DERA: variants seen among roughly 807,000 people sequenced by gnomAD.
DERA encodes 2-deoxy-D-ribose 5-phosphate aldolase.
A neutral mutation model predicts 41.1 loss-of-function variants in DERA; 15 were observed. That is an observed-to-expected ratio of 0.37 (90% CI 0.24 to 0.56). The LOEUF (loss-of-function observed/expected upper bound fraction) is 0.56. DERA is among the 20% of genes least tolerant of loss of function. DERA has a pLI of 0.81. For missense variants in DERA, 396 were observed against 403.4 expected (o/e 0.98, Z 0.16); for synonymous variants, 139 against 137.4 (o/e 1.01, Z -0.08).
intron 1 of DERA, among the ~76,000 whole-genome samples, chr12:15,917,751 G>A (rs1187688135): frequency 6.6e-6 from 1 of 152,178 alleles, no homozygotes; most frequent in Non-Finnish European, 1.5e-5. Context: ...ACAGACTGGG[G>A]TAGGGGTGGG....
chr12:15,985,896 T>G lies in DERA; in HGVS notation c.637+3460T>G, dbSNP rs747917059. Among the ~76,000 whole-genome samples the G allele has an allele frequency of 2.1e-4, 32 of 152,182 alleles. No homozygotes were observed. The highest frequency in any genetic ancestry group is 4.0e-4 in the Non-Finnish European group (27 of 68,014). On this transcript the variant is annotated intron_variant, in intron 6 of 8. Transcript: ENST00000428559. The surrounding 1 kb of genome is among the most constrained non-coding windows in gnomAD (Gnocchi z 4.2). ...ATTGGTTGATAATGTTTTTCAGATCTAGTTTTGTTTTCTTTTTGGTCTACT... is the reference window on the plus strand; with the variant it reads ...ATTGGTTGATAATGTTTTTCAGATCGAGTTTTGTTTTCTTTTTGGTCTACT...
At chr12:15,942,003 A>G (rs1948412269) in intron 1 of DERA, among the ~76,000 whole-genome samples, 2 of 152,144 alleles carry the variant, frequency 1.3e-5, no homozygotes, top group South Asian at 4.1e-4. Flanking sequence ...TTCCCTTTTC[A>G]CCACATTTAT....
At position 15,993,264 on chromosome 12, in the gene DERA, TGTG is replaced by T. The variant is rs890635035; in HGVS notation, c.637+10832_637+10834del. Among the ~76,000 whole-genome samples the T allele has an allele frequency of 2.0e-5, 3 of 151,648 alleles. No individual in the cohort carries two copies. The highest frequency in any genetic ancestry group is 4.4e-5 in the Non-Finnish European group (3 of 67,978). Reference sequence around the variant, plus strand: ...GAATGAAACCAAAACACTAAAAAAATGTGGTGATTAATAGGAAATTAGTATCTA... The same window carrying T: ...GAATGAAACCAAAACACTAAAAAAATGTGATTAATAGGAAATTAGTATCTA... On this transcript the variant is annotated intron_variant, in intron 6 of 8. Coordinates refer to ENST00000428559, the MANE Select transcript of DERA (RefSeq NM_015954.4). The surrounding 1 kb of genome is among the most constrained non-coding windows in gnomAD (Gnocchi z 4.4).
intron 1 of DERA, among the ~76,000 whole-genome samples, chr12:15,933,931 C>T (rs375511014): frequency 3.5e-4 from 53 of 152,220 alleles, no homozygotes; most frequent in African/African-American, 1.3e-3. Flanking sequence ...TGATGACTGT[C>T]AGGCCACGTA....
chr12:15,977,856 G>A (rs1484069567), intron 5 of DERA, among the ~76,000 whole-genome samples: 1 of 152,218 alleles, frequency 6.6e-6, no homozygotes, highest in African/African-American at 2.4e-5. Context: ...ATTTTTGAGG[G>A]AAGAGGCTTT....
Position 15,984,232 on chromosome 12 carries a change from T to G in DERA, c.637+1796T>G, listed in dbSNP as rs1274034235. On this transcript the variant is annotated intron_variant, in intron 6 of 8. Coordinates refer to ENST00000428559, the MANE Select transcript of DERA (RefSeq NM_015954.4). This position sits in a 1 kb window ranked among gnomAD's most constrained non-coding sequence, Gnocchi z 4.5. The stretch of plus-strand genomic sequence containing the variant: ...GCTGTTATCCTGGTCACAATGAAAG[T>G]GTATTCATTCTGGGAGGTCAGCCAA... 6.6e-6 allele frequency among the ~76,000 whole-genome samples: 1 copy of G among 152,120 alleles called. No individual in the cohort carries two copies. Among genetic ancestry groups the G allele is most frequent in the Non-Finnish European group, 1.5e-5 (1 of 68,026 alleles).
At position 16,008,521 on chromosome 12, in the gene DERA, C is replaced by T. The variant is rs971070527; in HGVS notation, c.638-24021C>T. ...GGTTGCAGAGTCTGAGTGATCCCCC[C>T]AGTAAACTAATGTAGGATATATTTG... is the stretch of plus-strand genomic sequence containing the variant. On this transcript the variant is annotated intron_variant, in intron 6 of 8. Coordinates refer to ENST00000428559, the MANE Select transcript of DERA (RefSeq NM_015954.4). This position sits in a 1 kb window ranked among gnomAD's most constrained non-coding sequence, Gnocchi z 4.8. Among the ~76,000 whole-genome samples the T allele has an allele frequency of 3.3e-5, 5 of 152,176 alleles. No individual in the cohort carries two copies. The highest frequency in any genetic ancestry group is 7.3e-5 in the Non-Finnish European group (5 of 68,038).
intron 1 of DERA, among the ~76,000 whole-genome samples, chr12:15,917,945 AATGT>A (rs1320869471): frequency 1.3e-5 from 2 of 152,126 alleles, no homozygotes; most frequent in African/African-American, 4.8e-5. Flanking sequence ...AGAGCTGAAA[AATGT>A]ATGTACTGTA....
At chr12:15,961,578 A>C (rs1302994155) in intron 4 of DERA, among the ~76,000 whole-genome samples, 1 of 152,178 alleles carries the variant, frequency 6.6e-6, no homozygotes, top group Non-Finnish European at 1.5e-5. Flanking sequence ...ATTAAAAGAA[A>C]CATGGTGCAC....
At chr12:15,951,613 C>T (rs1948498218) in intron 1 of DERA, among the ~76,000 whole-genome samples, 3 of 152,098 alleles carry the variant, frequency 2.0e-5, no homozygotes, top group South Asian at 2.1e-4. Flanking sequence ...ATATTTCCTG[C>T]TCAATAAGAT....
Position 16,004,365 on chromosome 12 carries a change from C to CCAA in DERA, c.637+21930_637+21931insAAC, listed in dbSNP as rs199548602. On this transcript the variant is annotated intron_variant, in intron 6 of 8. Coordinates refer to ENST00000428559, the MANE Select transcript of DERA (RefSeq NM_015954.4). This position sits in a 1 kb window ranked among gnomAD's most constrained non-coding sequence, Gnocchi z 4.2. Reference sequence around the variant, plus strand: ...ACCACTGCAGAAAAGAAAAGAAAAACCCAACTCCTCCTTAACAATTTGTTC... The same window carrying CCAA: ...ACCACTGCAGAAAAGAAAAGAAAAACCAACCAACTCCTCCTTAACAATTTGTTC... Among the ~76,000 whole-genome samples the CCAA allele has an allele frequency of 0.08, 12,225 of 152,002 alleles. 1,466 individuals are homozygous for CCAA. The highest frequency in any genetic ancestry group is 0.26 in the African/African-American group (10,581 of 41,386).
At chr12:16,002,751 C>T (rs924936391) in intron 6 of DERA, among the ~76,000 whole-genome samples, 2 of 152,154 alleles carry the variant, frequency 1.3e-5, no homozygotes, top group African/African-American at 4.8e-5. Context: ...TCCACTTTGT[C>T]TTAGACAGGG....
rs1948731553 is a variant in DERA at position 15,981,352 on chromosome 12, A to G, written c.509-956A>G. Among the ~76,000 whole-genome samples, 1 of 152,078 alleles carries G rather than the reference A, an allele frequency of 6.6e-6. No individual in the cohort carries two copies. Among genetic ancestry groups the G allele is most frequent in the Non-Finnish European group, 1.5e-5 (1 of 68,028 alleles). ...GACAGAGCAAGACTCCATCTCAAAA[A>G]CCAAAAAACAAAAAACAAAAAAACC... On this transcript the variant is annotated intron_variant, in intron 5 of 8. Coordinates refer to ENST00000428559, the MANE Select transcript of DERA (RefSeq NM_015954.4). The surrounding 1 kb of genome is among the most constrained non-coding windows in gnomAD (Gnocchi z 6.1).
intron 1 of DERA, among the ~76,000 whole-genome samples, chr12:15,945,125 T>G (rs2136138617): frequency 6.6e-6 from 1 of 152,304 alleles, no homozygotes. Flanking sequence ...CTGTTTTGGT[T>G]ACTGTAGCCT....
chr12:15,937,970 T>G (rs1860411969), intron 1 of DERA, among the ~76,000 whole-genome samples: 1 of 152,206 alleles, frequency 6.6e-6, no homozygotes, highest in African/African-American at 2.4e-5. Flanking sequence ...TGAAGTAGTC[T>G]GAATCCCTTT....
rs1948177166 is a variant in DERA at position 15,913,243 on chromosome 12, A to C, written c.31+1829A>C. 6.6e-6 allele frequency among the ~76,000 whole-genome samples: 1 copy of C among 152,250 alleles called. No homozygotes were observed. Among genetic ancestry groups the C allele is most frequent in the African/African-American group, 2.4e-5 (1 of 41,470 alleles). Reference sequence around the variant, plus strand: ...ATAAATAATTGCCAGGTAGAACAATAGTAAATGTGGTTTTTATGCAGCTAT... The same window carrying C: ...ATAAATAATTGCCAGGTAGAACAATCGTAAATGTGGTTTTTATGCAGCTAT... On this transcript the variant is annotated intron_variant, in intron 1 of 8. Coordinates refer to ENST00000428559, the MANE Select transcript of DERA (RefSeq NM_015954.4). The surrounding 1 kb of genome is among the most constrained non-coding windows in gnomAD (Gnocchi z 4.5).
intron 6 of DERA, among the ~76,000 whole-genome samples, chr12:16,007,571 G>A (rs1043104678): frequency 5.9e-5 from 9 of 152,160 alleles, no homozygotes; most frequent in Non-Finnish European, 1.2e-4. Flanking sequence ...TATCCACTTA[G>A]TAGAAAGTGG....
At position 16,021,810 on chromosome 12, in the gene DERA, C is replaced by T. The variant is rs1949018871; in HGVS notation, c.638-10732C>T. On this transcript the variant is annotated intron_variant, in intron 6 of 8. Coordinates refer to ENST00000428559, the MANE Select transcript of DERA (RefSeq NM_015954.4). This position sits in a 1 kb window ranked among gnomAD's most constrained non-coding sequence, Gnocchi z 5.3. Reference sequence around the variant, plus strand: ...CTCCCCCTTTTTTGGCTGATTTCTCCCTTTGGGAATGGTAATGTTTACCCA... The same window carrying T: ...CTCCCCCTTTTTTGGCTGATTTCTCTCTTTGGGAATGGTAATGTTTACCCA... Among the ~76,000 whole-genome samples, 1 of 152,132 alleles carries T rather than the reference C, an allele frequency of 6.6e-6. No homozygotes were observed. Among genetic ancestry groups the T allele is most frequent in the Non-Finnish European group, 1.5e-5 (1 of 68,022 alleles).
At chr12:15,917,580 C>T (rs1258944783) in intron 1 of DERA, among the ~76,000 whole-genome samples, 1 of 152,138 alleles carries the variant, frequency 6.6e-6, no homozygotes, top group Non-Finnish European at 1.5e-5. Flanking sequence ...TCAGAAAACA[C>T]AAGTAACTTG....
Sources: gnomAD v4.1 joint callset for allele counts (sites outside exome capture counted in the v4.1 genomes callset) on GRCh38, gnomAD v4.1.1 for gene constraint, Gnocchi (gnomAD v3.1) non-coding constraint, MANE v1.5 for transcripts, NCBI Gene and HGNC (gene_info 2026-07-23, HGNC 2026-07-21) for gene names.